Variants in ZNF18 observed in about 807,000 individuals in gnomAD.
ZNF18 encodes the protein zinc finger protein 18.
ZNF18 carries 42 observed loss-of-function variants against 58.1 expected under a neutral mutation model. The ratio of observed to expected loss-of-function variants is 0.72; its 90% confidence interval spans 0.56 to 0.93. ZNF18 has a LOEUF of 0.93. Ranked by LOEUF, ZNF18 falls within the 40% of genes least tolerant of loss-of-function variation. The probability of loss-of-function intolerance (pLI) is 0.00; values close to 1 mark genes in which losing one functional copy is unlikely to be tolerated. For missense variants in ZNF18, 540 were observed against 644.2 expected, an observed-to-expected ratio of 0.84 and a Z score of 1.75; for synonymous variants, 231 against 239.8, an observed-to-expected ratio of 0.96 and a Z score of 0.34.
chr17:12,010,858 T>G, the ZNF18 span: 1 of 484,074 alleles, frequency 2.1e-6, no homozygotes, highest in South Asian at 2.4e-5. Flanking sequence ...CCCAGGTACT[T>G]TTCTCTTTGT....
At chr17:11,990,685 G>A (rs995137529) in intron 3 of ZNF18, 135 bp from the exon 4 acceptor site, 3 of 741,784 alleles carry the variant, frequency 4.0e-6, no homozygotes, top group Non-Finnish European at 6.6e-6. Flanking sequence ...TTCAAGACTT[G>A]TGTTTATCTC....
the ZNF18 span, among the ~76,000 whole-genome samples, chr17:12,003,389 G>A: frequency 6.6e-5 from 10 of 150,610 alleles, no homozygotes; most frequent in Non-Finnish European, 1.0e-4. Context: ...GCAGTGAGCC[G>A]AGATAGTGCT....
the ZNF18 span, among the ~76,000 whole-genome samples, chr17:12,013,160 T>C: frequency 6.6e-6 from 1 of 152,212 alleles, no homozygotes; most frequent in African/African-American, 2.4e-5. Context: ...CCGTGTTAGC[T>C]GGGAGGGTCT....
At chr17:12,002,697 G>T in the ZNF18 span, among the ~76,000 whole-genome samples, 1 of 152,170 alleles carries the variant, frequency 6.6e-6, no homozygotes, top group Admixed American at 6.5e-5. Flanking sequence ...ATTGTATAAG[G>T]TTTGGGCAAA....
chr17:12,004,887 CAAAAAAA>C, the ZNF18 span, among the ~76,000 whole-genome samples: 8 of 56,216 alleles, frequency 1.4e-4, no homozygotes, highest in Middle Eastern at 0.013. Context: ...AACTCCATCT[CAAAAAAA>C]AAAAAAAAAA....
Position 11,997,439 on chromosome 17 carries a change from G to A in ZNF18, c.-91C>T, listed in dbSNP as rs1390751979. ...CCCGCAAGCGCGCTCACCTCGGCCC[G>A]CGGCGCCGGCTCCGGGCGCACTTCC... On this transcript the variant is annotated 5_prime_UTR_variant, in exon 1 of 7. Coordinates refer to ENST00000580306, the MANE Select transcript of ZNF18 (RefSeq NM_001303281.2). 6.6e-6 allele frequency: 1 copy of A among 152,242 alleles called. No homozygotes were observed. The highest frequency in any genetic ancestry group is 1.5e-5 in the Non-Finnish European group (1 of 68,074). 9.4% of individuals were successfully genotyped at this position (152,242 alleles called of 1,614,324 possible). A position where few individuals can be genotyped will look rare whatever the true frequency, so the allele number is the denominator to read the frequency against.
chr17:11,996,141 G>A (rs1262841957), intron 1 of ZNF18, among the ~76,000 whole-genome samples: 1 of 151,994 alleles, frequency 6.6e-6, no homozygotes, highest in Non-Finnish European at 1.5e-5. Context: ...AAATCACAAA[G>A]GAAATTAAAA....
upstream of ZNF18, among the ~76,000 whole-genome samples, chr17:11,998,845 T>TG (rs1968606759): frequency 1.7e-4 from 24 of 138,680 alleles, no homozygotes; most frequent in Admixed American, 6.1e-4. Flanking sequence ...TTTTTTTTTT[T>TG]TTGTATTTTT....
chr17:11,978,191 G>C lies in ZNF18; in HGVS notation c.1416C>G (p.Gly472=), dbSNP rs1180630386. Residue 472 remains glycine, a synonymous_variant, in exon 7 of 7, where the codon GGC becomes GGG. Transcript: ENST00000580306. ...GGCGCAATCCTGAGAAGTCACTAAA[G>C]CCTTTCCCACAGTAATCACATTTAC... ...KPCKCDYCGK[G]FSDFSGLRHH... The C allele has an allele frequency of 1.4e-5, 23 of 1,614,014 alleles. No individual in the cohort carries two copies. Among genetic ancestry groups the C allele is most frequent in the East Asian group, 2.2e-5 (1 of 44,894 alleles).
At position 11,977,950 on chromosome 17, in the gene ZNF18, T is replaced by G; in HGVS notation, c.*7A>C. 6.5e-7 allele frequency: 1 copy of G among 1,547,916 alleles called. No individual in the cohort carries two copies. The highest frequency in any genetic ancestry group is 1.3e-5 in the South Asian group (1 of 78,530). ...ATAGAAATGGGGAAAGAGAGTTTGG[T>G]TACTGGCTATTGAAAGGGCTTCTTT... On this transcript the variant is annotated 3_prime_UTR_variant, in exon 7 of 7. Transcript: ENST00000580306.
At chr17:11,992,312 G>T in intron 2 of ZNF18, 131 bp downstream of exon 2, 1 of 1,184,892 alleles carries the variant, frequency 8.4e-7, no homozygotes, top group Non-Finnish European at 1.2e-6. Context: ...GAGAATCACA[G>T]AATTGGCCAT....
rs1229054034 is a variant in ZNF18 at position 11,995,381 on chromosome 17, G to GA, written c.-83+2049dup. 8.0e-3 allele frequency among the ~76,000 whole-genome samples: 1,151 copies of GA among 143,410 alleles called. 20 individuals are homozygous for GA. The highest frequency in any genetic ancestry group is 0.028 in the African/African-American group (1,079 of 39,200). The allele number at this position is 143,410 out of a possible 152,430, so 94.1% of individuals were successfully genotyped here. A position where few individuals can be genotyped will look rare whatever the true frequency, so the allele number is the denominator to read the frequency against. The stretch of plus-strand genomic sequence containing the variant: ...GTGAGCCGAGATCACACCACTGCAA[G>GA]AAAAAAAAAAAGAAACCCAGGCCAG... On this transcript the variant is annotated intron_variant, in intron 1 of 6. Transcript: ENST00000580306.
chr17:12,010,989 G>C, the ZNF18 span: 1 of 736,140 alleles, frequency 1.4e-6, no homozygotes, highest in East Asian at 2.5e-5. Context: ...CCCTTAACTT[G>C]TTTGTTTACA....
At chr17:12,014,658 A>G in the ZNF18 span, among the ~76,000 whole-genome samples, 1,756 of 152,320 alleles carry the variant, frequency 0.012, 29 homozygotes, top group African/African-American at 0.039. Context: ...TTGGAGTCCA[A>G]TGGGGAGCAA....
chr17:12,008,867 G>A, the ZNF18 span, among the ~76,000 whole-genome samples: 2 of 152,178 alleles, frequency 1.3e-5, no homozygotes, highest in African/African-American at 4.8e-5. Flanking sequence ...AAATAGGAAG[G>A]AATTTGGTCA....
chr17:11,998,803 A>G (rs1245459427), upstream of ZNF18, among the ~76,000 whole-genome samples: 1 of 150,722 alleles, frequency 6.6e-6, no homozygotes, highest in Admixed American at 6.6e-5. Flanking sequence ...TCAGCCTGAC[A>G]TAGGTGGAAG....
the ZNF18 span, chr17:12,010,638 G>C: frequency 6.4e-6 from 1 of 156,740 alleles, no homozygotes; most frequent in Non-Finnish European, 1.4e-5. Flanking sequence ...GGATGGTCTC[G>C]ATCTCTTGAC....
chr17:12,018,207 C>G, the ZNF18 span, among the ~76,000 whole-genome samples: 2 of 152,156 alleles, frequency 1.3e-5, no homozygotes, highest in Non-Finnish European at 2.9e-5. Flanking sequence ...AATTGCCTTC[C>G]CGTCTCCCCA....
intron 6 of ZNF18, 41 bp from the exon 7 acceptor site, chr17:11,978,785 G>A: frequency 7.7e-7 from 1 of 1,293,734 alleles, no homozygotes; most frequent in South Asian, 1.6e-5. Flanking sequence ...CAAGTGCTAT[G>A]CCCTGTTTTC....
Sources: allele counts gnomAD v4.1 joint callset (sites outside exome capture counted in the v4.1 genomes callset), GRCh38; gene constraint gnomAD v4.1.1; transcripts MANE v1.5; gene names NCBI Gene and HGNC (gene_info 2026-07-23, HGNC 2026-07-21).